Variants in EXOC6B observed in about 807,000 individuals in gnomAD.
EXOC6B encodes SEC15 homolog B.
EXOC6B carries 54 observed loss-of-function variants against 113.5 expected under a neutral mutation model. That is an observed-to-expected ratio of 0.48 (90% CI 0.38 to 0.60). The LOEUF is 0.60. Ranked by LOEUF, EXOC6B falls within the 20% of genes least tolerant of loss-of-function variation. EXOC6B has a pLI of 0.00. For synonymous variants in EXOC6B, 357 were observed against 339.0 expected, an observed-to-expected ratio of 1.05 and a Z score of -0.58; for missense variants, 797 against 977.5, an observed-to-expected ratio of 0.82 and a Z score of 2.46.
intron 18 of EXOC6B, among the ~76,000 whole-genome samples, chr2:72,438,900 C>T (rs1197243028): frequency 1.3e-5 from 2 of 152,050 alleles, no homozygotes; most frequent in Non-Finnish European, 2.9e-5. Flanking sequence ...TTACTAAAGC[C>T]TAATTTTACT....
At chr2:72,458,017 C>T (rs945477270) in intron 18 of EXOC6B, among the ~76,000 whole-genome samples, 1 of 152,082 alleles carries the variant, frequency 6.6e-6, no homozygotes, top group African/African-American at 2.4e-5. Context: ...TATGTTGCTG[C>T]TGTGATGTGG....
At chr2:72,551,903 A>T (rs1703255049) in intron 8 of EXOC6B, among the ~76,000 whole-genome samples, 1 of 152,220 alleles carries the variant, frequency 6.6e-6, no homozygotes, top group Admixed American at 6.5e-5. Context: ...GGTGTAATGT[A>T]ATCATATTAA....
At chr2:72,762,238 G>A (rs149304388) in intron 1 of EXOC6B, among the ~76,000 whole-genome samples, 73 of 135,308 alleles carry the variant, frequency 5.4e-4, no homozygotes, top group Admixed American at 1.3e-3. Flanking sequence ...GTGAGACTCC[G>A]TCTCAAAAAA....
intron 10 of EXOC6B, among the ~76,000 whole-genome samples, chr2:72,514,059 G>C (rs184555075): frequency 1.3e-5 from 2 of 151,974 alleles, no homozygotes; most frequent in South Asian, 4.1e-4. Flanking sequence ...ATGTAATTCC[G>C]TACCACTATA....
At chr2:72,205,595 G>A (rs192976129) in intron 20 of EXOC6B, among the ~76,000 whole-genome samples, 75 of 152,284 alleles carry the variant, frequency 4.9e-4, no homozygotes, top group African/African-American at 1.5e-3. Context: ...GAAAGGAGTC[G>A]CTCTGTCTCT....
At chr2:72,648,345 G>T (rs1673896143) in intron 6 of EXOC6B, among the ~76,000 whole-genome samples, 2 of 152,340 alleles carry the variant, frequency 1.3e-5, no homozygotes, top group South Asian at 2.1e-4. Context: ...GTATAAATTA[G>T]TTCAACCACT....
chr2:72,714,048 C>T (rs972343219), intron 6 of EXOC6B, among the ~76,000 whole-genome samples: 22 of 152,196 alleles, frequency 1.4e-4, no homozygotes, highest in Admixed American at 1.1e-3. Flanking sequence ...CTGTGGTACC[C>T]TTGAAAGCCA....
chr2:72,628,859 T>C (rs905423825), intron 6 of EXOC6B, among the ~76,000 whole-genome samples: 3 of 151,592 alleles, frequency 2.0e-5, no homozygotes, highest in Non-Finnish European at 2.9e-5. Context: ...AAGGCAGAAA[T>C]GTATATAAAG....
intron 19 of EXOC6B, among the ~76,000 whole-genome samples, chr2:72,355,614 T>C (rs1400677792): frequency 6.6e-6 from 1 of 152,208 alleles, no homozygotes; most frequent in East Asian, 1.9e-4. Context: ...AGAAAACAAG[T>C]TTATTTTTCT....
intron 18 of EXOC6B, among the ~76,000 whole-genome samples, chr2:72,448,111 G>A (rs994356036): frequency 2.6e-5 from 4 of 152,018 alleles, no homozygotes; most frequent in Admixed American, 6.6e-5. Context: ...CACTATCTAC[G>A]ATACTAACTT....
Position 72,548,409 on chromosome 2 carries a change from A to T in EXOC6B, c.915+11044T>A, listed in dbSNP as rs193054484. ...GAGTGGAAGGTCGGTTTCACTAAAA[A>T]TAATAAATATTGCCATGTTTATTCA... On this transcript the variant is annotated intron_variant, in intron 8 of 21. Transcript: ENST00000272427. 2.9e-3 allele frequency among the ~76,000 whole-genome samples: 441 copies of T among 152,336 alleles called. 1 individual carries two copies. Among genetic ancestry groups the T allele is most frequent in the African/African-American group, 4.5e-3 (189 of 41,576 alleles).
intron 6 of EXOC6B, among the ~76,000 whole-genome samples, chr2:72,600,492 TG>T (rs1670354760): frequency 6.7e-6 from 1 of 148,506 alleles, no homozygotes; most frequent in Non-Finnish European, 1.5e-5. Flanking sequence ...TGTGTGATAT[TG>T]GCAAAAGAAC....
intron 6 of EXOC6B, among the ~76,000 whole-genome samples, chr2:72,583,318 C>A (rs1348484417): frequency 6.6e-6 from 1 of 152,154 alleles, no homozygotes; most frequent in East Asian, 1.9e-4. Context: ...CCTAATCTCA[C>A]TGGAGAGGTA....
chr2:72,219,021 T>G (rs1223973450), intron 20 of EXOC6B, among the ~76,000 whole-genome samples: 1 of 151,426 alleles, frequency 6.6e-6, no homozygotes, highest in South Asian at 2.1e-4. Flanking sequence ...ACAACCAATG[T>G]CTTAGTAACT....
intron 5 of EXOC6B, among the ~76,000 whole-genome samples, chr2:72,726,259 T>C (rs1431151812): frequency 1.3e-5 from 2 of 152,110 alleles, no homozygotes; most frequent in South Asian, 2.1e-4. Flanking sequence ...TTTGGGGTAA[T>C]GAAAATGTCC....
chr2:72,693,583 A>G (rs529003588), intron 6 of EXOC6B, among the ~76,000 whole-genome samples: 64 of 152,328 alleles, frequency 4.2e-4, no homozygotes, highest in African/African-American at 1.5e-3. Context: ...ATAAAAGGCC[A>G]ATGCACAAGA....
chr2:72,806,306 T>C (rs1168557140), intron 1 of EXOC6B, among the ~76,000 whole-genome samples: 1 of 152,222 alleles, frequency 6.6e-6, no homozygotes, highest in Non-Finnish European at 1.5e-5. Context: ...TGTGTTAATT[T>C]GCTTAGGAAT....
intron 18 of EXOC6B, among the ~76,000 whole-genome samples, chr2:72,425,837 AT>A (rs1312523594): frequency 1.2e-4 from 18 of 151,992 alleles, no homozygotes; most frequent in Admixed American, 1.2e-3. Flanking sequence ...ATTTTCACCT[AT>A]TTTTCTTCAA....
chr2:72,307,161 G>GTTTTTTTTTTTTTT (rs1553371308), intron 20 of EXOC6B, among the ~76,000 whole-genome samples: 57 of 128,402 alleles, frequency 4.4e-4, no homozygotes, highest in African/African-American at 2.1e-3. Context: ...GTATAGTCCA[G>GTTTTTTTTTTTTTT]TTTTTTTTTT....
Sources: allele counts gnomAD v4.1 joint callset (sites outside exome capture counted in the v4.1 genomes callset), GRCh38; gene constraint gnomAD v4.1.1; transcripts MANE v1.5; gene names NCBI Gene and HGNC (gene_info 2026-07-23, HGNC 2026-07-21).